Variants in LRCH1 observed in about 807,000 individuals in gnomAD.
LRCH1 encodes leucine-rich repeat and calponin homology domain-containing protein 1.
In LRCH1, 23 loss-of-function variants were observed where a neutral mutation model predicts 94.9. The ratio of observed to expected loss-of-function variants is 0.24; its 90% CI spans 0.17 to 0.34. The LOEUF (loss-of-function observed/expected upper bound fraction) is 0.34, where lower values mean the gene tolerates loss of function less well. Ranked by LOEUF, LRCH1 falls within the 10% of genes least tolerant of loss-of-function variation. The pLI is 1.00. For missense variants in LRCH1, 790 were observed against 945.9 expected (o/e 0.84, Z 2.16); for synonymous variants, 364 against 354.9 (o/e 1.03, Z -0.29).
chr13:46,704,835 A>G (rs1871665569), intron 11 of LRCH1, among the ~76,000 whole-genome samples: 1 of 152,122 alleles, frequency 6.6e-6, no homozygotes, highest in African/African-American at 2.4e-5. Flanking sequence ...TTACTATTAT[A>G]TTACAAACAA....
At chr13:46,569,031 C>G (rs2050214389) in intron 1 of LRCH1, among the ~76,000 whole-genome samples, 1 of 152,166 alleles carries the variant, frequency 6.6e-6, no homozygotes, top group Admixed American at 6.5e-5. Flanking sequence ...TATTAGAAGA[C>G]TGATATTTCT....
chr13:46,719,486 G>A (rs921829004), intron 16 of LRCH1, among the ~76,000 whole-genome samples: 1 of 152,198 alleles, frequency 6.6e-6, no homozygotes, highest in Non-Finnish European at 1.5e-5. Flanking sequence ...AATTTTGTAT[G>A]CTCACAGAAG....
Position 46,742,122 on chromosome 13 carries a change from AGCAGTGCCAC to A in LRCH1, c.*280_*289del. On this transcript the variant is annotated 3_prime_UTR_variant, in exon 20 of 20. Coordinates refer to ENST00000389797, the MANE Select transcript of LRCH1 (RefSeq NM_001164211.2). Reference sequence around the variant, plus strand: ...GCTTCCTCATCCACATAGTGCCAGCAGCAGTGCCACGCAGTTCCTCCTCTCCCTCCCGGTG... The same window carrying A: ...GCTTCCTCATCCACATAGTGCCAGCAGCAGTTCCTCCTCTCCCTCCCGGTG... 1 of 1,281,524 alleles carries A rather than the reference AGCAGTGCCAC, an allele frequency of 7.8e-7. No individual in the cohort carries two copies. Among genetic ancestry groups the A allele is most frequent in the Middle Eastern group, 3.1e-4 (1 of 3,252 alleles). 79.4% of individuals were successfully genotyped at this position (1,281,524 alleles called of 1,614,324 possible).
chr13:46,615,843 G>T (rs531231094), intron 1 of LRCH1, among the ~76,000 whole-genome samples: 10 of 152,238 alleles, frequency 6.6e-5, no homozygotes, highest in Non-Finnish European at 1.2e-4. Flanking sequence ...TAGTTTGATG[G>T]AAAGATTTCC....
chr13:46,560,902 C>T (rs1315387903), intron 1 of LRCH1, among the ~76,000 whole-genome samples: 4 of 152,170 alleles, frequency 2.6e-5, no homozygotes, highest in Non-Finnish European at 4.4e-5. Flanking sequence ...ACCATCTCCT[C>T]CCATAAAGTA....
In LRCH1 at chr13:46,702,225, G is replaced by A. The variant is rs549491916; in HGVS notation, c.1400+1018G>A. Among the ~76,000 whole-genome samples the A allele has an allele frequency of 3.3e-5, 5 of 152,330 alleles. No individual in the cohort carries two copies. The South Asian group carries it at 1.0e-3, about 32-fold the overall frequency. ...AGAAGTTATAAGTGTAACTGGGCCA[G>A]GCGCGGTGGCTCACACCTGTGATCC... On this transcript the variant is annotated intron_variant, in intron 11 of 19. Transcript: ENST00000389797.
chr13:46,627,851 A>C lies in LRCH1; in HGVS notation c.308-22350A>C, dbSNP rs543402163. Reference sequence around the variant, plus strand: ...GTAATTTCTCTGAGTCATCCACATTATTTTCTACTTTTTCTCAGTTTTCAT... The same window carrying C: ...GTAATTTCTCTGAGTCATCCACATTCTTTTCTACTTTTTCTCAGTTTTCAT... On this transcript the variant is annotated intron_variant, in intron 1 of 19. Coordinates refer to ENST00000389797, the MANE Select transcript of LRCH1 (RefSeq NM_001164211.2). Among the ~76,000 whole-genome samples the C allele has an allele frequency of 1.9e-3, 289 of 152,162 alleles. 1 individual carries two copies. The highest frequency in any genetic ancestry group is 6.7e-3 in the African/African-American group (277 of 41,496).
chr13:46,716,237 A>T (rs1872313733), intron 16 of LRCH1, among the ~76,000 whole-genome samples: 1 of 152,086 alleles, frequency 6.6e-6, no homozygotes, highest in South Asian at 2.1e-4. Flanking sequence ...TTTGACATTC[A>T]AGGATAGTAA....
At chr13:46,665,824 G>A (rs965618448) in intron 2 of LRCH1, among the ~76,000 whole-genome samples, 24 of 152,180 alleles carry the variant, frequency 1.6e-4, no homozygotes, top group African/African-American at 5.6e-4. Flanking sequence ...GTGGCCTGAG[G>A]CACTTACTTG....
At chr13:46,731,675 A>T (rs1593382949) in intron 18 of LRCH1, among the ~76,000 whole-genome samples, 1 of 152,198 alleles carries the variant, frequency 6.6e-6, no homozygotes, top group African/African-American at 2.4e-5. Context: ...TTCACCAAGC[A>T]TCTTGATGAC....
intron 10 of LRCH1, among the ~76,000 whole-genome samples, chr13:46,700,660 C>T (rs533728366): frequency 6.6e-6 from 1 of 152,290 alleles, no homozygotes; most frequent in African/African-American, 2.4e-5. Flanking sequence ...GATTTTGCTG[C>T]ATCTAGAGTT....
At chr13:46,579,373 A>G (rs1245608029) in intron 1 of LRCH1, among the ~76,000 whole-genome samples, 1 of 152,186 alleles carries the variant, frequency 6.6e-6, no homozygotes, top group Non-Finnish European at 1.5e-5. Flanking sequence ...ACTCCATGGA[A>G]TAAGCTGCCA....
chr13:46,736,512 G>T (rs1021378043), intron 19 of LRCH1, among the ~76,000 whole-genome samples: 1 of 152,098 alleles, frequency 6.6e-6, no homozygotes, highest in Non-Finnish European at 1.5e-5. Flanking sequence ...CAGTACAATT[G>T]ATGATTTACA....
intron 1 of LRCH1, among the ~76,000 whole-genome samples, chr13:46,585,344 G>C (rs773443285): frequency 2.8e-4 from 42 of 152,058 alleles, no homozygotes; most frequent in Non-Finnish European, 4.7e-4. Flanking sequence ...TTGGGAGGCC[G>C]AGGCAGGCGG....
chr13:46,613,180 A>G (rs1007119040), intron 1 of LRCH1, among the ~76,000 whole-genome samples: 3 of 152,122 alleles, frequency 2.0e-5, no homozygotes, highest in Non-Finnish European at 4.4e-5. Flanking sequence ...TCACGAGGTC[A>G]GGAGATCGAG....
At chr13:46,708,146 T>C (rs1369793043) in intron 13 of LRCH1, among the ~76,000 whole-genome samples, 1 of 152,160 alleles carries the variant, frequency 6.6e-6, no homozygotes, top group Non-Finnish European at 1.5e-5. Flanking sequence ...AGAGCGGCCA[T>C]TATACTTATG....
intron 1 of LRCH1, among the ~76,000 whole-genome samples, chr13:46,636,364 G>T (rs1036185022): frequency 1.3e-5 from 2 of 152,070 alleles, no homozygotes; most frequent in Non-Finnish European, 2.9e-5. Flanking sequence ...GAGCCACTGC[G>T]CCTGGCCCAT....
intron 2 of LRCH1, among the ~76,000 whole-genome samples, chr13:46,653,525 G>A (rs1177740003): frequency 3.9e-5 from 6 of 152,204 alleles, no homozygotes; most frequent in African/African-American, 1.4e-4. Flanking sequence ...GAGTATAAAT[G>A]TATAACATAA....
chr13:46,721,805 C>T (rs1872593083), intron 16 of LRCH1, among the ~76,000 whole-genome samples: 1 of 152,188 alleles, frequency 6.6e-6, no homozygotes, highest in African/African-American at 2.4e-5. Flanking sequence ...TCCTCTTTCT[C>T]CATTAACTCT....
Sources: allele counts gnomAD v4.1 joint callset (sites outside exome capture counted in the v4.1 genomes callset), GRCh38; gene constraint gnomAD v4.1.1; transcripts MANE v1.5; gene names NCBI Gene and HGNC (gene_info 2026-07-23, HGNC 2026-07-21).